The following MAGED1 variants were observed in gnomAD, a reference collection of about 807,000 sequenced individuals.
MAGED1 encodes MAGE family member D1.
In MAGED1, 3 loss-of-function variants were observed where a neutral mutation model predicts 54.1. The ratio of observed to expected loss-of-function variants is 0.06; its 90% confidence interval spans 0.03 to 0.14. The LOEUF (loss-of-function observed/expected upper bound fraction) is 0.14. Ranked by LOEUF, MAGED1 falls within the 10% of genes least tolerant of loss-of-function variation. The pLI is 1.00. For synonymous variants in MAGED1, 217 were observed against 227.3 expected (o/e 0.95, Z 0.41); for missense variants, 485 against 623.4 (o/e 0.78, Z 2.36).
At chrX:51,896,296 G>A (rs1928746060) in intron 3 of MAGED1, 113 bp from the exon 4 acceptor site, 6 of 651,795 alleles carry the variant, frequency 9.2e-6, no homozygotes, top group African/African-American at 2.2e-5. Context: ...GGTGACCAAT[G>A]GCTAGTGGGT....
intron 1 of MAGED1, among the ~76,000 whole-genome samples, chrX:51,869,985 C>T (rs1927606711): frequency 9.0e-6 from 1 of 111,202 alleles, no homozygotes; most frequent in African/African-American, 3.3e-5. Context: ...ATCCTTCTGC[C>T]TCAGCCTCCT....
intron 1 of MAGED1, among the ~76,000 whole-genome samples, chrX:51,815,050 T>C (rs1290898386): frequency 9.4e-6 from 1 of 105,965 alleles, no homozygotes; most frequent in African/African-American, 3.5e-5. Context: ...GGCTGAGGCA[T>C]GAGAATCGCT....
intron 2 of MAGED1, 79 bp downstream of exon 2, chrX:51,894,428 C>T: frequency 1.0e-6 from 1 of 987,736 alleles, no homozygotes; most frequent in Non-Finnish European, 1.4e-6. Context: ...GTCTCCCAAA[C>T]GCCGGGATCC....
chrX:51,866,135 C>T (rs1456091047), intron 1 of MAGED1, among the ~76,000 whole-genome samples: 6 of 112,285 alleles, frequency 5.3e-5, no homozygotes, highest in African/African-American at 1.9e-4. Flanking sequence ...GCTTTGAGCT[C>T]TAGAAAGTTT....
intron 1 of MAGED1, among the ~76,000 whole-genome samples, chrX:51,838,532 T>C (rs1192316395): frequency 8.0e-5 from 9 of 112,395 alleles, no homozygotes; most frequent in African/African-American, 2.9e-4. Flanking sequence ...GGCAAATTAG[T>C]ACATCTCTTG....
At chrX:51,816,975 A>G (rs1418659739) in intron 1 of MAGED1, among the ~76,000 whole-genome samples, 2 of 111,723 alleles carry the variant, frequency 1.8e-5, no homozygotes, top group African/African-American at 6.5e-5. Context: ...GCCTCCTGTA[A>G]TCTAAGGGGA....
intron 1 of MAGED1, among the ~76,000 whole-genome samples, chrX:51,846,821 C>A (rs1557359311): frequency 9.0e-6 from 1 of 111,455 alleles, no homozygotes; most frequent in Non-Finnish European, 1.9e-5. Flanking sequence ...GGTGCTAAAC[C>A]ATTCATGAGA....
In MAGED1 at chrX:51,884,855, GA is replaced by G. The variant is rs782660616; in HGVS notation, c.-36-9412del. ...TAATCCATTATATCAACAGGCTAAA[GA>G]ATAAAAGCCATTATCATATTGATTG... On this transcript the variant is annotated intron_variant, in intron 1 of 12. Coordinates refer to the MAGED1 transcript ENST00000375772. Among the ~76,000 whole-genome samples, 30 of 112,201 alleles carry G rather than the reference GA, an allele frequency of 2.7e-4. No individual in the cohort carries two copies. The East Asian group carries it at 7.5e-3, about 28-fold the overall frequency.
At chrX:51,828,946 C>T (rs1925958199) in intron 1 of MAGED1, among the ~76,000 whole-genome samples, 2 of 110,849 alleles carry the variant, frequency 1.8e-5, no homozygotes, top group South Asian at 7.6e-4. Flanking sequence ...ACTTGTATCA[C>T]ATCTCACTTT....
chrX:51,816,538 C>A (rs1925434052), intron 1 of MAGED1, among the ~76,000 whole-genome samples: 1 of 111,799 alleles, frequency 8.9e-6, no homozygotes, highest in South Asian at 3.7e-4. Context: ...GTATTCAGTA[C>A]AGTAACCTGC....
chrX:51,840,681 G>A (rs1468654238), intron 1 of MAGED1, among the ~76,000 whole-genome samples: 1 of 108,047 alleles, frequency 9.3e-6, no homozygotes, highest in Non-Finnish European at 1.9e-5. Context: ...GAGAACATGT[G>A]GTGTTTGGTT....
intron 1 of MAGED1, among the ~76,000 whole-genome samples, chrX:51,839,573 G>GA (rs1557358249): frequency 5.4e-5 from 6 of 111,424 alleles, no homozygotes; most frequent in Admixed American, 9.6e-5. Context: ...ATTTCTGCCA[G>GA]AAAAAAATAT....
chrX:51,896,503 C>A lies in MAGED1; in HGVS notation c.848C>A (p.Thr283Asn), dbSNP rs1928754283. The change falls in exon 4 of 13, where the codon ACC becomes AAC. Residue 283 changes from threonine to asparagine, a missense_variant. This residue lies in a region of MAGED1 where 299 missense variants were observed against 293.1 expected (regional missense o/e 1.02). Transcript: ENST00000326587. ...TGGAGGTCTGCACCAGTTCCAGTGA[C>A]CACTCAGAACCCACCTGGCGCACCC... is the stretch of plus-strand genomic sequence containing the variant. ...GTWRSAPVPV[T>N]TQNPPGAPPN... The A allele has an allele frequency of 8.3e-7, 1 of 1,209,884 alleles. No homozygotes were observed. The highest frequency in any genetic ancestry group is 2.2e-5 in the Admixed American group (1 of 45,875).
intron 1 of MAGED1, among the ~76,000 whole-genome samples, chrX:51,853,896 A>T (rs1463821449): frequency 8.9e-6 from 1 of 111,900 alleles, no homozygotes; most frequent in Non-Finnish European, 1.9e-5. Flanking sequence ...CTTCTGTTTT[A>T]TAGAGGACAC....
chrX:51,860,762 A>G (rs1927251565), intron 1 of MAGED1, among the ~76,000 whole-genome samples: 1 of 110,205 alleles, frequency 9.1e-6, no homozygotes, highest in Admixed American at 9.7e-5. Flanking sequence ...AAAAAAAAAG[A>G]CCCAAGGCAG....
intron 1 of MAGED1, chrX:51,857,448 G>A (rs1386292874): frequency 9.0e-6 from 1 of 111,464 alleles, no homozygotes; most frequent in Non-Finnish European, 1.9e-5. Context: ...CATGTGGAAA[G>A]GCTTTCAGAT....
chrX:51,895,319 C>T lies in MAGED1; in HGVS notation c.312C>T (p.Pro104=), dbSNP rs1928692906. Residue 104 remains proline (P), a synonymous_variant, in exon 3 of 13, where the codon CCC becomes CCT. Transcript: ENST00000326587. ...FSQAHNAKDV[P]NTQPKAAFKS... ...AGGCTCATAATGCCAAGGATGTGCC[C>T]AACACGCAGCCCAAGGCAGCCTTTA... The T allele has an allele frequency of 5.0e-6, 6 of 1,209,172 alleles. No homozygotes were observed. Among genetic ancestry groups the T allele is most frequent in the Non-Finnish European group, 5.6e-6 (5 of 894,742 alleles).
intron 1 of MAGED1, among the ~76,000 whole-genome samples, chrX:51,832,322 A>G (rs187951190): frequency 8.1e-5 from 9 of 111,661 alleles, no homozygotes; most frequent in Non-Finnish European, 1.3e-4. Flanking sequence ...GAGCCACTGC[A>G]CTCGATCTCC....
chrX:51,818,901 C>T (rs911134139), intron 1 of MAGED1, among the ~76,000 whole-genome samples: 80 of 112,078 alleles, frequency 7.1e-4, no homozygotes, highest in African/African-American at 2.5e-3. Flanking sequence ...TATTTTCCTT[C>T]AGAATTTGAG....
Sources: allele counts gnomAD v4.1 joint callset (sites outside exome capture counted in the v4.1 genomes callset), GRCh38; gene constraint gnomAD v4.1.1; regional missense constraint gnomAD v4.1.1; transcripts MANE v1.5; gene names NCBI Gene and HGNC (gene_info 2026-07-23, HGNC 2026-07-21).